The following SYT16 variants were observed in gnomAD, a reference collection of about 807,000 sequenced individuals.
The protein encoded by SYT16 is synaptotagmin-16.
A neutral mutation model predicts 61.4 loss-of-function variants in SYT16; 42 were observed. That is an observed-to-expected ratio of 0.68 (90% confidence interval 0.53 to 0.89). SYT16 has a LOEUF of 0.89. Among genes scored for constraint, SYT16 ranks in the 40% least tolerant of loss-of-function variants. The pLI, the probability that SYT16 is intolerant of heterozygous loss-of-function variation, is 0.00. For missense variants in SYT16, 804 were observed against 807.3 expected (o/e 1.00, Z 0.05); for synonymous variants, 314 against 302.3 (o/e 1.04, Z -0.40).
intron 3 of SYT16, among the ~76,000 whole-genome samples, chr14:62,068,855 G>T (rs1026585087): frequency 3.9e-5 from 6 of 152,046 alleles, no homozygotes; most frequent in African/African-American, 1.4e-4. Context: ...GAGTGCAGTG[G>T]TGCGATCTCA....
At chr14:61,983,269 C>G (rs2052162743) in intron 2 of SYT16, among the ~76,000 whole-genome samples, 1 of 152,068 alleles carries the variant, frequency 6.6e-6, no homozygotes, top group Admixed American at 6.5e-5. Flanking sequence ...TTATACACTT[C>G]CATTAAAAAT....
At chr14:61,959,883 G>A (rs1218494938) in intron 1 of SYT16, among the ~76,000 whole-genome samples, 1 of 152,066 alleles carries the variant, frequency 6.6e-6, no homozygotes, top group African/African-American at 2.4e-5. Context: ...AGGCTGGAGT[G>A]CAGTGGTGCA....
chr14:61,990,431 T>C (rs976640648), intron 2 of SYT16, among the ~76,000 whole-genome samples: 21 of 152,304 alleles, frequency 1.4e-4, no homozygotes, highest in African/African-American at 4.6e-4. Flanking sequence ...GAGAAGAGTA[T>C]ATTTTTCCAA....
rs1319713468 is a variant in SYT16, at chr14:61,954,494, G to C, written c.-324-15638G>C. ...ACGCCAGACATACAGTTAACTTTGA[G>C]GAAGTTTTTAGCATGAACTGTGTGA... On this transcript the variant is annotated intron_variant, in intron 1 of 7. Coordinates refer to ENST00000683842, the MANE Select transcript of SYT16 (RefSeq NM_001367656.1). Among the ~76,000 whole-genome samples the C allele has an allele frequency of 3.3e-5, 5 of 152,046 alleles. No homozygotes were observed. The East Asian group carries it at 7.7e-4, about 24-fold the overall frequency.
Position 62,018,113 on chromosome 14 carries a change from T to C in SYT16, c.523+21571T>C, listed in dbSNP as rs374027436. On this transcript the variant is annotated intron_variant, in intron 3 of 7. Coordinates refer to ENST00000683842, the MANE Select transcript of SYT16 (RefSeq NM_001367656.1). ...TTCCTTTTAAACTTACGTCAAAGCA[T>C]GTCATTCCTTTGCTGTCAATAATTT... 5.3e-5 allele frequency among the ~76,000 whole-genome samples: 8 copies of C among 152,188 alleles called. No homozygotes were observed. In the East Asian group the frequency reaches 1.2e-3, roughly 22 times the overall value.
intron 3 of SYT16, among the ~76,000 whole-genome samples, chr14:62,017,979 G>T (rs1421979442): frequency 1.3e-5 from 2 of 152,152 alleles, no homozygotes; most frequent in African/African-American, 4.8e-5. Context: ...CCTTCTCACA[G>T]TGCTGGGATT....
intron 3 of SYT16, among the ~76,000 whole-genome samples, chr14:62,050,880 C>T (rs988414768): frequency 1.3e-5 from 2 of 152,132 alleles, no homozygotes; most frequent in Non-Finnish European, 2.9e-5. Flanking sequence ...CAGTCCGCCC[C>T]TACTGGGAGG....
At chr14:62,005,791 C>T (rs2053197692) in intron 3 of SYT16, among the ~76,000 whole-genome samples, 1 of 152,148 alleles carries the variant, frequency 6.6e-6, no homozygotes, top group South Asian at 2.1e-4. Context: ...CAAGTATACA[C>T]AAGTATAAGC....
At chr14:61,849,543 T>G (rs2046547780) in intron 1 of SYT16, among the ~76,000 whole-genome samples, 1 of 152,158 alleles carries the variant, frequency 6.6e-6, no homozygotes. Flanking sequence ...ATCTAAATGC[T>G]CCATCCATGG....
chr14:61,883,770 A>G (rs1314016441), intron 1 of SYT16, among the ~76,000 whole-genome samples: 2 of 152,170 alleles, frequency 1.3e-5, no homozygotes, highest in African/African-American at 4.8e-5. Flanking sequence ...TGGCTGTTTT[A>G]TAAAGGAAAG....
At chr14:61,898,979 A>G (rs2048420201) in intron 1 of SYT16, among the ~76,000 whole-genome samples, 1 of 152,226 alleles carries the variant, frequency 6.6e-6, no homozygotes, top group Non-Finnish European at 1.5e-5. Context: ...GTCAGAAATT[A>G]AATTGAGTTA....
chr14:62,015,122 A>G (rs905665804), intron 3 of SYT16, among the ~76,000 whole-genome samples: 22 of 152,114 alleles, frequency 1.4e-4, no homozygotes, highest in African/African-American at 5.3e-4. Context: ...TTCCTCTTCT[A>G]TGTTCCGATA....
At chr14:62,014,693 C>G (rs1340496602) in intron 3 of SYT16, among the ~76,000 whole-genome samples, 1 of 152,054 alleles carries the variant, frequency 6.6e-6, no homozygotes, top group Non-Finnish European at 1.5e-5. Flanking sequence ...CTTGGCTTCC[C>G]GAAGGGCTGG....
intron 1 of SYT16, among the ~76,000 whole-genome samples, chr14:61,917,872 C>T (rs2049179267): frequency 6.6e-6 from 1 of 152,108 alleles, no homozygotes; most frequent in Non-Finnish European, 1.5e-5. Context: ...CAAGTCTAAA[C>T]ATGAAGTTCA....
chr14:61,964,915 A>G (rs2051252523), intron 1 of SYT16, among the ~76,000 whole-genome samples: 1 of 151,684 alleles, frequency 6.6e-6, no homozygotes, highest in Non-Finnish European at 1.5e-5. Context: ...TTTTTTAGCA[A>G]TAAAGTATTT....
At chr14:62,043,613 T>G (rs368852021) in intron 3 of SYT16, among the ~76,000 whole-genome samples, 88 of 152,186 alleles carry the variant, frequency 5.8e-4, no homozygotes, top group African/African-American at 2.0e-3. Context: ...TTCACTATGT[T>G]AGCCAGGATG....
At chr14:61,832,858 A>G (rs1171641095) in intron 1 of SYT16, among the ~76,000 whole-genome samples, 2 of 152,228 alleles carry the variant, frequency 1.3e-5, no homozygotes, top group Non-Finnish European at 2.9e-5. Flanking sequence ...AAATAAATCT[A>G]TCCCTTTGCC....
chr14:61,819,492 T>A (rs1322943928), intron 1 of SYT16, among the ~76,000 whole-genome samples: 1 of 152,204 alleles, frequency 6.6e-6, no homozygotes, highest in Non-Finnish European at 1.5e-5. Context: ...GAATAAAATT[T>A]TCTTATTGTG....
At chr14:62,022,922 T>A (rs937798093) in intron 3 of SYT16, among the ~76,000 whole-genome samples, 3 of 152,126 alleles carry the variant, frequency 2.0e-5, no homozygotes, top group African/African-American at 7.2e-5. Flanking sequence ...AGATTCTACA[T>A]CTCTATTTAA....
Sources: allele counts gnomAD v4.1 joint callset (sites outside exome capture counted in the v4.1 genomes callset), GRCh38; gene constraint gnomAD v4.1.1; transcripts MANE v1.5; gene names NCBI Gene and HGNC (gene_info 2026-07-23, HGNC 2026-07-21).